Variants in NRXN3 observed in about 807,000 individuals in gnomAD.
The protein encoded by NRXN3 is neurexin III.
NRXN3 carries 32 observed loss-of-function variants against 137.6 expected under a neutral mutation model. The observed-to-expected ratio is 0.23, with a 90% CI of 0.18 to 0.31. The LOEUF is 0.31. NRXN3 is among the 10% of genes least tolerant of loss of function. The probability of loss-of-function intolerance (pLI) is 1.00; values close to 1 mark genes in which losing one functional copy is unlikely to be tolerated. For synonymous variants in NRXN3, 798 were observed against 784.5 expected, an observed-to-expected ratio of 1.02 and a Z score of -0.29; for missense variants, 1,574 against 2,062.5, an observed-to-expected ratio of 0.76 and a Z score of 4.59.
At chr14:79,784,464 C>T in intron 19 of NRXN3, among the ~76,000 whole-genome samples, 1 of 152,030 alleles carries the variant, frequency 6.6e-6, no homozygotes, top group Admixed American at 6.6e-5. Flanking sequence ...TTTTAGAAGG[C>T]TCTTTTGGCT....
intron 15 of NRXN3, chr14:79,247,064 C>A (rs537765757): frequency 6.6e-6 from 1 of 152,262 alleles, no homozygotes; most frequent in South Asian, 2.1e-4. Flanking sequence ...ATTTGCATTA[C>A]CTGCTTGACC....
rs557882337 is a variant in NRXN3 at position 79,006,080 on chromosome 14, A to G, written c.3262+17939A>G. On this transcript the variant is annotated intron_variant, in intron 15 of 20. Coordinates refer to ENST00000335750, the MANE Select transcript of NRXN3 (RefSeq NM_001330195.2). Reference sequence around the variant, plus strand: ...CTGGGAGTTTTTGAGCAAGTGTGTGATATGCCCAAAGATATGCCTTAGAAA... The same window carrying G: ...CTGGGAGTTTTTGAGCAAGTGTGTGGTATGCCCAAAGATATGCCTTAGAAA... Among the ~76,000 whole-genome samples, 5 of 127,160 alleles carry G rather than the reference A, an allele frequency of 3.9e-5. No individual in the cohort carries two copies. In the South Asian group the frequency reaches 9.4e-4, roughly 24 times the overall value. The allele number at this position is 127,160 out of a possible 152,430, so 83.4% of individuals were successfully genotyped here.
chr14:78,943,387 A>C (rs1212807910), intron 10 of NRXN3, among the ~76,000 whole-genome samples: 2 of 151,442 alleles, frequency 1.3e-5, no homozygotes, highest in Non-Finnish European at 2.9e-5. Context: ...GAGGGCTTGG[A>C]GGGCAGAGGA....
At chr14:78,685,124 C>A (rs927632841) in intron 6 of NRXN3, among the ~76,000 whole-genome samples, 5 of 152,124 alleles carry the variant, frequency 3.3e-5, no homozygotes, top group Admixed American at 6.5e-5. Context: ...AGAGGAGGAG[C>A]CATTAAAGTG....
chr14:78,407,979 G>A (rs1040385123), intron 4 of NRXN3, among the ~76,000 whole-genome samples: 1 of 152,106 alleles, frequency 6.6e-6, no homozygotes, highest in Non-Finnish European at 1.5e-5. Context: ...ACGTGAAACA[G>A]GCCTGAGTTC....
At chr14:78,854,399 A>G (rs570074170) in intron 10 of NRXN3, among the ~76,000 whole-genome samples, 15 of 152,212 alleles carry the variant, frequency 9.9e-5, no homozygotes, top group Admixed American at 8.5e-4. Flanking sequence ...TAATTGCACA[A>G]AATTCTATGT....
intron 15 of NRXN3, among the ~76,000 whole-genome samples, chr14:79,435,035 C>T (rs1329664498): frequency 2.6e-5 from 4 of 152,114 alleles, no homozygotes; most frequent in African/African-American, 9.7e-5. Context: ...AGGCTGAATT[C>T]AGTAGCACAT....
At chr14:78,563,066 A>C (rs983503206) in intron 4 of NRXN3, among the ~76,000 whole-genome samples, 3 of 152,228 alleles carry the variant, frequency 2.0e-5, no homozygotes, top group African/African-American at 4.8e-5. Context: ...ACTCAGCCAG[A>C]GAGAACCTAT....
intron 10 of NRXN3, among the ~76,000 whole-genome samples, chr14:78,838,446 T>C (rs899054403): frequency 6.6e-6 from 1 of 152,224 alleles, no homozygotes; most frequent in Non-Finnish European, 1.5e-5. Context: ...ATTATGTTAA[T>C]AATAGCTGCC....
chr14:79,624,576 C>G (rs1045413349), intron 16 of NRXN3, among the ~76,000 whole-genome samples: 1 of 152,020 alleles, frequency 6.6e-6, no homozygotes, highest in African/African-American at 2.4e-5. Context: ...TGATACAATA[C>G]AGTAGTAGTA....
At chr14:79,819,665 A>T (rs1312124483) in intron 20 of NRXN3, among the ~76,000 whole-genome samples, 1 of 151,652 alleles carries the variant, frequency 6.6e-6, no homozygotes, top group Non-Finnish European at 1.5e-5. Context: ...TTGTGTTTTT[A>T]GTAGAGACGG....
chr14:79,525,940 G>A (rs966902241), intron 16 of NRXN3, among the ~76,000 whole-genome samples: 2 of 152,144 alleles, frequency 1.3e-5, no homozygotes, highest in Non-Finnish European at 2.9e-5. Context: ...GGAGTGCAGT[G>A]GCACAATCAT....
intron 16 of NRXN3, among the ~76,000 whole-genome samples, chr14:79,625,097 C>T (rs951712912): frequency 6.6e-6 from 1 of 152,126 alleles, no homozygotes; most frequent in Non-Finnish European, 1.5e-5. Flanking sequence ...TGCTCCTGGC[C>T]TCTACAGTAT....
intron 15 of NRXN3, among the ~76,000 whole-genome samples, chr14:79,245,487 AGAAT>A (rs1371940756): frequency 6.6e-6 from 1 of 152,076 alleles, no homozygotes; most frequent in Non-Finnish European, 1.5e-5. Flanking sequence ...GAGAGAAGAA[AGAAT>A]GAATGAGTTC....
At chr14:79,385,485 C>G (rs1252812446) in intron 15 of NRXN3, among the ~76,000 whole-genome samples, 1 of 152,042 alleles carries the variant, frequency 6.6e-6, no homozygotes, top group African/African-American at 2.4e-5. Context: ...GATCAGCAAT[C>G]TATGCTTTGA....
In NRXN3 at chr14:78,606,270, A is replaced by G. The variant is rs144381209; in HGVS notation, c.758-38850A>G. 7.2e-5 allele frequency among the ~76,000 whole-genome samples: 11 copies of G among 152,328 alleles called. No individual in the cohort carries two copies. In the East Asian group the frequency reaches 1.9e-3, roughly 27 times the overall value. ...CATGACTCTTGAATGACTTTCCCCT[A>G]TGATTCCTCTGTAGTCATATGGCAA... On this transcript the variant is annotated intron_variant, in intron 4 of 20. Transcript: ENST00000335750.
intron 15 of NRXN3, among the ~76,000 whole-genome samples, chr14:79,010,423 G>C (rs1345923006): frequency 6.6e-6 from 1 of 152,104 alleles, no homozygotes; most frequent in African/African-American, 2.4e-5. Context: ...TATCCTTGCA[G>C]GAATTAATCC....
intron 17 of NRXN3, among the ~76,000 whole-genome samples, chr14:79,686,477 T>TA (rs1433586275): frequency 6.6e-6 from 1 of 152,056 alleles, no homozygotes; most frequent in African/African-American, 2.4e-5. Context: ...TCCTAAGAAT[T>TA]AAAACAAATC....
At chr14:79,668,217 C>T (rs1337796738) in intron 17 of NRXN3, among the ~76,000 whole-genome samples, 2 of 152,054 alleles carry the variant, frequency 1.3e-5, no homozygotes, top group Admixed American at 6.6e-5. Flanking sequence ...AGAAAACTCT[C>T]TTTATATTTG....
Sources: gnomAD v4.1 joint callset for allele counts (sites outside exome capture counted in the v4.1 genomes callset) on GRCh38, gnomAD v4.1.1 for gene constraint, MANE v1.5 for transcripts, NCBI Gene and HGNC (gene_info 2026-07-23, HGNC 2026-07-21) for gene names.